The following PRKN variants were observed in gnomAD, a reference collection of about 807,000 sequenced individuals.
PRKN encodes E3 ubiquitin-protein ligase parkin.
In PRKN, 56 loss-of-function variants were observed where a neutral mutation model predicts 59.5. The observed-to-expected ratio is 0.94, with a 90% CI of 0.76 to 1.18. The LOEUF (loss-of-function observed/expected upper bound fraction) is 1.18, where lower values mean the gene tolerates loss of function less well. Ranked by LOEUF, PRKN falls within the 50% of genes most tolerant of loss-of-function variation. The pLI is 0.00. For synonymous variants in PRKN, 250 were observed against 222.1 expected (o/e 1.13, Z -1.12); for missense variants, 657 against 596.4 (o/e 1.10, Z -1.06).
At chr6:161,658,587 AT>A (rs1277311483) in intron 7 of PRKN, among the ~76,000 whole-genome samples, 4 of 152,194 alleles carry the variant, frequency 2.6e-5, no homozygotes, top group African/African-American at 9.7e-5. Flanking sequence ...AATTTTACAA[AT>A]CACATGCTGT....
intron 8 of PRKN, among the ~76,000 whole-genome samples, chr6:161,555,892 T>C (rs1780220837): frequency 6.6e-6 from 1 of 152,220 alleles, no homozygotes; most frequent in South Asian, 2.1e-4. Context: ...GCAATGGAAA[T>C]TAATAACAGT....
chr6:162,633,072 T>C (rs921254164), intron 1 of PRKN, among the ~76,000 whole-genome samples: 1 of 152,058 alleles, frequency 6.6e-6, no homozygotes, highest in African/African-American at 2.4e-5. Context: ...TTAGTACATA[T>C]CTTTTAGGAT....
At chr6:161,721,569 T>G (rs1382478434) in intron 7 of PRKN, among the ~76,000 whole-genome samples, 1 of 152,172 alleles carries the variant, frequency 6.6e-6, no homozygotes, top group Non-Finnish European at 1.5e-5. Flanking sequence ...TTAAAAAGGC[T>G]TCTAAGGCCA....
chr6:162,272,624 C>T (rs1012111350), intron 2 of PRKN, among the ~76,000 whole-genome samples: 13 of 151,930 alleles, frequency 8.6e-5, no homozygotes, highest in African/African-American at 2.7e-4. Context: ...CCAATGGTTG[C>T]GATTAACACT....
chr6:162,062,314 C>G (rs1323784864), intron 4 of PRKN, among the ~76,000 whole-genome samples: 1 of 152,110 alleles, frequency 6.6e-6, no homozygotes, highest in Non-Finnish European at 1.5e-5. Flanking sequence ...AGAAGCCAAA[C>G]ATGGAATATG....
intron 7 of PRKN, among the ~76,000 whole-genome samples, chr6:161,602,024 G>A (rs186667127): frequency 2.6e-5 from 4 of 152,060 alleles, no homozygotes; most frequent in African/African-American, 4.8e-5. Flanking sequence ...AAAATAATTC[G>A]TATCACTTGC....
chr6:162,579,797 T>G (rs1780716946), intron 1 of PRKN, among the ~76,000 whole-genome samples: 1 of 152,094 alleles, frequency 6.6e-6, no homozygotes, highest in Admixed American at 6.6e-5. Flanking sequence ...ATACACACGT[T>G]CACACACACA....
chr6:161,678,810 A>G (rs1013157087), intron 7 of PRKN, among the ~76,000 whole-genome samples: 36 of 152,118 alleles, frequency 2.4e-4, no homozygotes, highest in African/African-American at 8.7e-4. Context: ...CAGGCAATCC[A>G]CGCACCTTGG....
chr6:161,900,600 A>C (rs1242945362), intron 6 of PRKN, among the ~76,000 whole-genome samples: 1 of 95,346 alleles, frequency 1.0e-5, no homozygotes, highest in African/African-American at 4.0e-5. Flanking sequence ...AATATATTAT[A>C]TATTAATATA....
At chr6:162,670,470 C>A (rs964396335) in intron 1 of PRKN, among the ~76,000 whole-genome samples, 4 of 152,178 alleles carry the variant, frequency 2.6e-5, no homozygotes, top group Non-Finnish European at 5.9e-5. Flanking sequence ...AGTCTGCCTG[C>A]AGAACATGGT....
chr6:161,756,427 G>C (rs1404117170), intron 7 of PRKN, among the ~76,000 whole-genome samples: 1 of 115,938 alleles, frequency 8.6e-6, no homozygotes, highest in South Asian at 3.3e-4. Flanking sequence ...GGGTGACAGA[G>C]TGAAACCTTG....
At chr6:162,137,083 TCAA>T (rs1247882888) in intron 4 of PRKN, among the ~76,000 whole-genome samples, 6 of 151,784 alleles carry the variant, frequency 4.0e-5, no homozygotes, top group African/African-American at 1.5e-4. Context: ...AAAGAAACAC[TCAA>T]TCTATTCTAA....
At chr6:161,816,730 A>C (rs1157055607) in intron 6 of PRKN, among the ~76,000 whole-genome samples, 1 of 149,502 alleles carries the variant, frequency 6.7e-6, no homozygotes, top group Non-Finnish European at 1.5e-5. Flanking sequence ...TCCATCTCAA[A>C]AAAAAAAAAA....
chr6:162,413,385 G>C (rs997797723), intron 2 of PRKN, among the ~76,000 whole-genome samples: 3 of 152,038 alleles, frequency 2.0e-5, no homozygotes, highest in Non-Finnish European at 2.9e-5. Flanking sequence ...GCTATGCAGG[G>C]GGAAAGAGAC....
chr6:162,420,493 A>C (rs1788905615), intron 2 of PRKN, among the ~76,000 whole-genome samples: 1 of 152,146 alleles, frequency 6.6e-6, no homozygotes, highest in African/African-American at 2.4e-5. Context: ...GATTGCCTGC[A>C]TCCAGCCAGC....
chr6:162,126,657 A>G (rs1291422542), intron 4 of PRKN, among the ~76,000 whole-genome samples: 2 of 152,092 alleles, frequency 1.3e-5, no homozygotes, highest in East Asian at 3.9e-4. Flanking sequence ...CCAGCTACCA[A>G]ATGTTTATTT....
chr6:162,719,003 A>C (rs1467755342), intron 1 of PRKN, among the ~76,000 whole-genome samples: 2 of 152,196 alleles, frequency 1.3e-5, no homozygotes, highest in Admixed American at 6.5e-5. Context: ...AAAACTCTAG[A>C]GAGGGACAAA....
chr6:162,155,890 T>G (rs1454093696), intron 4 of PRKN, among the ~76,000 whole-genome samples: 3 of 151,812 alleles, frequency 2.0e-5, no homozygotes, highest in African/African-American at 7.3e-5. Flanking sequence ...AAAACCATTT[T>G]CAATAAGATG....
At chr6:162,576,198 A>G (rs1780547851) in intron 1 of PRKN, among the ~76,000 whole-genome samples, 1 of 152,098 alleles carries the variant, frequency 6.6e-6, no homozygotes, top group Non-Finnish European at 1.5e-5. Context: ...TCTCTCACCT[A>G]TGTACCATTG....
Sources: allele counts gnomAD v4.1 joint callset (sites outside exome capture counted in the v4.1 genomes callset), GRCh38; gene constraint gnomAD v4.1.1; transcripts MANE v1.5; gene names NCBI Gene and HGNC (gene_info 2026-07-23, HGNC 2026-07-21).